The following DIPK1C variants were observed in gnomAD, a reference collection of about 807,000 sequenced individuals.
DIPK1C encodes familial non-conventional Alzheimer's dementia.
Under a neutral mutation model 28.0 loss-of-function variants are expected in DIPK1C, and 33 were observed. That is an observed-to-expected ratio of 1.18 (90% CI 0.89 to 1.58). DIPK1C has a LOEUF of 1.58. Ranked by LOEUF, DIPK1C falls within the 40% of genes most tolerant of loss-of-function variation. The pLI is 0.00. For missense variants in DIPK1C, 569 were observed against 568.5 expected (o/e 1.00, Z -0.01); for synonymous variants, 255 against 248.8 (o/e 1.02, Z -0.23).
intron 3 of DIPK1C, among the ~76,000 whole-genome samples, chr18:74,437,349 G>A (rs765071541): frequency 6.6e-6 from 1 of 152,208 alleles, no homozygotes; most frequent in African/African-American, 2.4e-5. Flanking sequence ...TATTCTAGGA[G>A]CAGAGGTAAA....
intron 2 of DIPK1C, among the ~76,000 whole-genome samples, chr18:74,442,964 G>T (rs564866077): frequency 6.6e-6 from 1 of 152,298 alleles, no homozygotes; most frequent in East Asian, 1.9e-4. Context: ...AAACTGAGGC[G>T]GGCAGTGCCT....
intron 3 of DIPK1C, among the ~76,000 whole-genome samples, chr18:74,438,669 T>C (rs1986051815): frequency 6.6e-6 from 1 of 152,240 alleles, no homozygotes; most frequent in African/African-American, 2.4e-5. Flanking sequence ...TTGTGTTCAT[T>C]TGTAGATACT....
upstream of DIPK1C, chr18:74,457,366 G>A (rs1211750092): frequency 5.9e-6 from 5 of 843,126 alleles, no homozygotes; most frequent in Admixed American, 6.2e-5. Flanking sequence ...GGGGAACGGG[G>A]GAGGGGCCGC....
At chr18:74,460,506 G>A (rs954796434), upstream of DIPK1C, among the ~76,000 whole-genome samples, 6 of 152,108 alleles carry the variant, frequency 3.9e-5, no homozygotes, top group Non-Finnish European at 7.4e-5. Context: ...TTTTGCTTAC[G>A]TCAATTTTCT....
At position 74,446,632 on chromosome 18, in the gene DIPK1C, T is replaced by C. The variant is rs1410794074; in HGVS notation, c.850A>G (p.Asn284Asp). 1 of 1,466,690 alleles carries C rather than the reference T, an allele frequency of 6.8e-7. No homozygotes were observed. The highest frequency in any genetic ancestry group is 9.1e-7 in the Non-Finnish European group (1 of 1,104,548). 90.9% of individuals were successfully genotyped at this position (1,466,690 alleles called of 1,614,324 possible). The change falls in exon 2 of 4, where the codon AAC (asparagine) becomes GAC (aspartate). Residue 284 changes from asparagine (N) to aspartate (D), a missense_variant. Asn to Asp is a conservative substitution (Grantham distance 23). Coordinates refer to ENST00000343998, the MANE Select transcript of DIPK1C (RefSeq NM_001044369.3). ...GTGAAGTCGCTCCGGATGGCAAAGT[T>C]TTCCGGCTTGATGTCGCAGAGGTGG... The part of the protein sequence containing the change: ...RLHLCDIKPE[N>D]FAIRSDFTVV...
At chr18:74,455,926 T>A (rs548362916) in intron 1 of DIPK1C, among the ~76,000 whole-genome samples, 9 of 152,214 alleles carry the variant, frequency 5.9e-5, no homozygotes, top group South Asian at 4.1e-4. Flanking sequence ...CTCATTTTTT[T>A]AAAAAACAAT....
At chr18:74,442,628 C>T (rs4891553) in intron 2 of DIPK1C, among the ~76,000 whole-genome samples, 21,172 of 152,224 alleles carry the variant, frequency 0.14, 1,773 homozygotes, top group Admixed American at 0.27. Context: ...CGTGCCCGGC[C>T]GCATTTTCTT....
At position 74,442,015 on chromosome 18, in the gene DIPK1C, ACAGT is replaced by A. The variant is rs763547280; in HGVS notation, c.974_977del (p.Asp325ValfsTer17). The A allele has an allele frequency of 2.4e-5, 38 of 1,614,108 alleles. No homozygotes were observed. Among genetic ancestry groups the A allele is most frequent in the Non-Finnish European group, 3.0e-5 (35 of 1,180,008 alleles). On this transcript the variant is annotated frameshift_variant, in exon 3 of 4. Coordinates refer to ENST00000343998, the MANE Select transcript of DIPK1C (RefSeq NM_001044369.3). LOFTEE classifies it high-confidence loss of function. ...TGACTCGTAAATCACATCTTGAAAA[ACAGT>A]CAAAGAAATTGCAGTCTTCATCTCC...
intron 3 of DIPK1C, among the ~76,000 whole-genome samples, chr18:74,440,406 C>A (rs1986095711): frequency 6.6e-6 from 1 of 152,140 alleles, no homozygotes; most frequent in South Asian, 2.1e-4. Context: ...AGCCACATCC[C>A]CTCAAGAGAG....
At chr18:74,460,869 G>T (rs1986605706), upstream of DIPK1C, among the ~76,000 whole-genome samples, 1 of 152,180 alleles carries the variant, frequency 6.6e-6, no homozygotes, top group Non-Finnish European at 1.5e-5. Context: ...GGAGAAAGTG[G>T]GCTCAGCCCT....
chr18:74,458,526 C>A (rs926006388), upstream of DIPK1C, among the ~76,000 whole-genome samples: 1 of 150,704 alleles, frequency 6.6e-6, no homozygotes, highest in Non-Finnish European at 1.5e-5. Flanking sequence ...AATGACCAAA[C>A]ATCAGATGAA....
At position 74,456,543 on chromosome 18, in the gene DIPK1C, G is replaced by A. The variant is rs904736605; in HGVS notation, c.198+519C>T. Among the ~76,000 whole-genome samples the A allele has an allele frequency of 1.3e-5, 2 of 152,318 alleles. 1 individual carries two copies. Among genetic ancestry groups the A allele is most frequent in the South Asian group, 4.1e-4 (2 of 4,824 alleles). ...GGGCTCTGGAGCGCAGGGGGGCCGG[G>A]GTCAGACCAGCCCTCCGCATGGGCT... On this transcript the variant is annotated intron_variant, in intron 1 of 3. Transcript: ENST00000343998.
chr18:74,457,376 C>T (rs1441820297), upstream of DIPK1C: 8 of 779,656 alleles, frequency 1.0e-5, no homozygotes, highest in Non-Finnish European at 1.2e-5. Context: ...GGAGGGGCCG[C>T]GCGAGGGTTG....
intron 1 of DIPK1C, among the ~76,000 whole-genome samples, chr18:74,455,166 G>C (rs1200547667): frequency 6.6e-6 from 1 of 152,056 alleles, no homozygotes; most frequent in African/African-American, 2.4e-5. Flanking sequence ...AAACAGAATT[G>C]GTTTTAATTC....
At chr18:74,460,193 C>T (rs895393472), upstream of DIPK1C, among the ~76,000 whole-genome samples, 7 of 152,170 alleles carry the variant, frequency 4.6e-5, no homozygotes, top group African/African-American at 1.7e-4. Flanking sequence ...TCCCGACTTT[C>T]CAATTACCCA....
At chr18:74,437,313 C>T (rs866639597) in intron 3 of DIPK1C, among the ~76,000 whole-genome samples, 3 of 152,310 alleles carry the variant, frequency 2.0e-5, no homozygotes, top group Middle Eastern at 3.4e-3. Flanking sequence ...AGGCATAAGG[C>T]TCTTTGAAGG....
At chr18:74,464,206 C>T in the DIPK1C span, among the ~76,000 whole-genome samples, 4 of 152,170 alleles carry the variant, frequency 2.6e-5, no homozygotes, top group African/African-American at 4.8e-5. Context: ...GGCCTCATAG[C>T]CTTTCTACTC....
intron 1 of DIPK1C, among the ~76,000 whole-genome samples, chr18:74,453,339 G>A (rs1319484098): frequency 6.6e-6 from 1 of 152,226 alleles, no homozygotes; most frequent in Non-Finnish European, 1.5e-5. Context: ...CCTTCCCGAA[G>A]TAGCTATGCT....
chr18:74,439,268 A>G (rs1021052443), intron 3 of DIPK1C, among the ~76,000 whole-genome samples: 1 of 152,110 alleles, frequency 6.6e-6, no homozygotes, highest in South Asian at 2.1e-4. Context: ...GTGTGTAAGT[A>G]TCTGAGCCAT....
Sources: gnomAD v4.1 joint callset for allele counts (sites outside exome capture counted in the v4.1 genomes callset) on GRCh38, gnomAD v4.1.1 for gene constraint, MANE v1.5 for transcripts, NCBI Gene and HGNC (gene_info 2026-07-23, HGNC 2026-07-21) for gene names.